The following PEAK1 variants were observed in gnomAD, a reference collection of about 807,000 sequenced individuals.
PEAK1 encodes inactive tyrosine-protein kinase PEAK1.
Under a neutral mutation model 124.7 loss-of-function variants are expected in PEAK1, and 54 were observed. The ratio of observed to expected loss-of-function variants is 0.43; its 90% CI spans 0.35 to 0.54. PEAK1 has a LOEUF of 0.54. Ranked by LOEUF, PEAK1 falls within the 20% of genes least tolerant of loss-of-function variation. The pLI is 0.01. For missense variants in PEAK1, 2,046 were observed against 2,134.5 expected (o/e 0.96, Z 0.82); for synonymous variants, 719 against 760.0 (o/e 0.95, Z 0.89).
At chr15:77,355,812 A>C (rs963790062) in intron 2 of PEAK1, 6 of 985,268 alleles carry the variant, frequency 6.1e-6, no homozygotes, top group Non-Finnish European at 1.2e-6. Flanking sequence ...TAGAATCGGA[A>C]TTATAATAGA....
intron 8 of PEAK1, among the ~76,000 whole-genome samples, chr15:77,142,116 T>A (rs1380536456): frequency 6.6e-6 from 1 of 152,130 alleles, no homozygotes; most frequent in East Asian, 1.9e-4. Context: ...ATTCAGAATA[T>A]ATAAGGAACT....
At chr15:77,123,166 T>A (rs11072643) in intron 9 of PEAK1, among the ~76,000 whole-genome samples, 47,486 of 152,110 alleles carry the variant, frequency 0.31, 8,014 homozygotes, top group East Asian at 0.63. Flanking sequence ...ACTTTAAAGA[T>A]ACCTACTATC....
chr15:77,200,198 C>T (rs989839427), intron 6 of PEAK1, among the ~76,000 whole-genome samples: 1 of 152,180 alleles, frequency 6.6e-6, no homozygotes, highest in Non-Finnish European at 1.5e-5. Flanking sequence ...TCCACTTTCA[C>T]TTAGTCAATA....
intron 5 of PEAK1, among the ~76,000 whole-genome samples, chr15:77,262,757 T>C (rs1427105156): frequency 4.0e-5 from 6 of 151,750 alleles, no homozygotes; most frequent in African/African-American, 9.7e-5. Flanking sequence ...GCAGACCTAA[T>C]AGACATCTAC....
intron 8 of PEAK1, among the ~76,000 whole-genome samples, chr15:77,146,861 TAAC>T (rs894039547): frequency 2.0e-5 from 3 of 152,200 alleles, no homozygotes; most frequent in Non-Finnish European, 2.9e-5. Flanking sequence ...CTGGCATTTA[TAAC>T]AACATTATTC....
intron 1 of PEAK1, among the ~76,000 whole-genome samples, chr15:77,391,135 C>G (rs1172554252): frequency 3.9e-5 from 6 of 152,064 alleles, no homozygotes; most frequent in Non-Finnish European, 8.8e-5. Context: ...CTTAGTTACC[C>G]CAGCAAATGA....
At chr15:77,118,054 C>T (rs2051555221) in intron 9 of PEAK1, among the ~76,000 whole-genome samples, 1 of 152,188 alleles carries the variant, frequency 6.6e-6, no homozygotes, top group Non-Finnish European at 1.5e-5. Flanking sequence ...ATTTTGGATG[C>T]TCTAAAGGAA....
At chr15:77,144,965 T>G in intron 8 of PEAK1, among the ~76,000 whole-genome samples, 1 of 152,158 alleles carries the variant, frequency 6.6e-6, no homozygotes, top group East Asian at 1.9e-4. Flanking sequence ...TAATATAACA[T>G]CACATACTCT....
Position 77,180,692 on chromosome 15 carries a change from G to T in PEAK1, c.1235C>A (p.Thr412Asn). 4 of 1,614,000 alleles carry T rather than the reference G, an allele frequency of 2.5e-6. No homozygotes were observed. Among genetic ancestry groups the T allele is most frequent in the Non-Finnish European group, 3.4e-6 (4 of 1,180,006 alleles). ...ASKSSIKVPE[T>N]HKAVLALRLE... Reference sequence around the variant, plus strand: ...TCGGAGAGCAAGGACTGCTTTGTGGGTCTCTGGAACTTTTATTGAGCTTTT... The same window carrying T: ...TCGGAGAGCAAGGACTGCTTTGTGGTTCTCTGGAACTTTTATTGAGCTTTT... The change falls in exon 7 of 10, where the codon ACC (threonine) becomes AAC (asparagine). Residue 412 changes from threonine to asparagine, a missense_variant. Coordinates refer to ENST00000682557, the MANE Select transcript of PEAK1 (RefSeq NM_001385026.1).
At position 77,317,992 on chromosome 15, in the gene PEAK1, T is replaced by C. The variant is rs1013424461; in HGVS notation, c.-602-31488A>G. Reference sequence around the variant, plus strand: ...TCTAAAAATGATGACATTTCAGAAATGGAAAGCAGATTAATGGTTGCCAGG... The same window carrying C: ...TCTAAAAATGATGACATTTCAGAAACGGAAAGCAGATTAATGGTTGCCAGG... On this transcript the variant is annotated intron_variant, in intron 2 of 9. Coordinates refer to ENST00000682557, the MANE Select transcript of PEAK1 (RefSeq NM_001385026.1). 4.0e-4 allele frequency among the ~76,000 whole-genome samples: 61 copies of C among 152,062 alleles called. 2 individuals carry two copies. Among genetic ancestry groups the C allele is most frequent in the Admixed American group, 3.9e-3 (60 of 15,260 alleles).
intron 7 of PEAK1, chr15:77,177,851 T>A (rs1040156774): frequency 6.6e-6 from 1 of 152,194 alleles, no homozygotes; most frequent in Non-Finnish European, 1.5e-5. Context: ...TTTATGTGAA[T>A]GATTACAAGT....
intron 5 of PEAK1, among the ~76,000 whole-genome samples, chr15:77,253,372 A>G (rs529600327): frequency 3.7e-4 from 57 of 152,260 alleles, no homozygotes; most frequent in African/African-American, 1.3e-3. Flanking sequence ...ACAAAACCTC[A>G]TAATGATACC....
rs71143395 is a variant in PEAK1, at chr15:77,182,749, C to CAAAAAAA, written c.-114-716_-114-710dup. Reference sequence around the variant, plus strand: ...TGGGTGACAGAGTGAGACCTTGTCTCAAAAAAAAAAAAAAAAAAAAGGCTG... The same window carrying CAAAAAAA: ...TGGGTGACAGAGTGAGACCTTGTCTCAAAAAAAAAAAAAAAAAAAAAAAAAAAGGCTG... On this transcript the variant is annotated intron_variant, in intron 6 of 9. Coordinates refer to ENST00000682557, the MANE Select transcript of PEAK1 (RefSeq NM_001385026.1). Among the ~76,000 whole-genome samples, 22 of 65,134 alleles carry CAAAAAAA rather than the reference C, an allele frequency of 3.4e-4. 1 individual carries two copies. Among genetic ancestry groups the CAAAAAAA allele is most frequent in the South Asian group, 6.7e-4 (1 of 1,482 alleles). The allele number at this position is 65,134 out of a possible 152,430, so 42.7% of individuals were successfully genotyped here.
intron 5 of PEAK1, chr15:77,255,329 T>C (rs755090389): frequency 2.1e-6 from 2 of 942,594 alleles, no homozygotes; most frequent in Non-Finnish European, 2.5e-6. Context: ...ACAATGGAAA[T>C]TCTGTTTGGG....
intron 2 of PEAK1, chr15:77,353,041 T>C: frequency 5.1e-6 from 5 of 981,166 alleles, no homozygotes; most frequent in Non-Finnish European, 6.1e-6. Flanking sequence ...AAGAAAACCA[T>C]GAACCCTCTG....
chr15:77,297,300 T>C (rs2063533356), intron 2 of PEAK1, among the ~76,000 whole-genome samples: 1 of 151,802 alleles, frequency 6.6e-6, no homozygotes, highest in Non-Finnish European at 1.5e-5. Flanking sequence ...AGAAGTAAAA[T>C]ATTTGTATTT....
intron 8 of PEAK1, among the ~76,000 whole-genome samples, chr15:77,137,905 G>C (rs2053468351): frequency 6.6e-6 from 1 of 152,158 alleles, no homozygotes; most frequent in African/African-American, 2.4e-5. Flanking sequence ...TTGTGGGAGG[G>C]ACCTGGTGGG....
At chr15:77,145,729 T>A (rs926693346) in intron 8 of PEAK1, among the ~76,000 whole-genome samples, 2 of 152,184 alleles carry the variant, frequency 1.3e-5, no homozygotes, top group Non-Finnish European at 2.9e-5. Context: ...GTAAAAGATA[T>A]GCCTTTTGTG....
chr15:77,120,606 G>T (rs552338312), intron 9 of PEAK1, among the ~76,000 whole-genome samples: 8 of 152,014 alleles, frequency 5.3e-5, no homozygotes, highest in Non-Finnish European at 1.2e-4. Context: ...TTCATCACTT[G>T]CCTGGACAAC....
Sources: allele counts gnomAD v4.1 joint callset (sites outside exome capture counted in the v4.1 genomes callset), GRCh38; gene constraint gnomAD v4.1.1; transcripts MANE v1.5; gene names NCBI Gene and HGNC (gene_info 2026-07-23, HGNC 2026-07-21).